The following LARP4B variants were observed in gnomAD, a reference collection of about 807,000 sequenced individuals.
The protein encoded by LARP4B is la-related protein 4B.
In LARP4B, 12 loss-of-function variants were observed where a neutral mutation model predicts 89.8. That is an observed-to-expected ratio of 0.13 (90% confidence interval 0.09 to 0.22). The LOEUF (loss-of-function observed/expected upper bound fraction) is 0.22. Among genes scored for constraint, LARP4B ranks in the 10% least tolerant of loss-of-function variants. The pLI is 1.00. For synonymous variants in LARP4B, 367 were observed against 363.3 expected (o/e 1.01, Z -0.12); for missense variants, 757 against 947.7 (o/e 0.80, Z 2.64).
intron 1 of LARP4B, among the ~76,000 whole-genome samples, chr10:925,544 T>A (rs1837112668): frequency 6.6e-6 from 1 of 152,028 alleles, no homozygotes; most frequent in African/African-American, 2.4e-5. Context: ...TTTTATTTCA[T>A]TTTTTTTCAG....
intron 1 of LARP4B, among the ~76,000 whole-genome samples, chr10:931,200 T>C (rs1367134707): frequency 1.4e-5 from 2 of 144,928 alleles, no homozygotes; most frequent in Non-Finnish European, 3.0e-5. Context: ...GGCTTTTTCC[T>C]GGCCCTGACC....
intron 1 of LARP4B, among the ~76,000 whole-genome samples, chr10:925,560 G>A (rs537174939): frequency 6.6e-6 from 1 of 152,070 alleles, no homozygotes; most frequent in East Asian, 1.9e-4. Context: ...TTCAGACAGA[G>A]CCTCACTCTG....
downstream of LARP4B, chr10:808,466 G>C (rs370657047): frequency 6.6e-6 from 1 of 152,242 alleles, no homozygotes; most frequent in East Asian, 1.9e-4. Flanking sequence ...ACAGGATGAC[G>C]GGTGAGTTAA....
intron 1 of LARP4B, among the ~76,000 whole-genome samples, chr10:905,667 AGCTGAGGAGCAAGGGAGG>A: frequency 9.2e-5 from 2 of 21,852 alleles, no homozygotes; most frequent in Non-Finnish European, 2.3e-4. Flanking sequence ...GGAGGGGAGG[AGCTGAGGAGCAAGGGAGG>A]AGCTGAGGAG....
chr10:888,906 C>T (rs1835938565), intron 1 of LARP4B, among the ~76,000 whole-genome samples: 1 of 151,532 alleles, frequency 6.6e-6, no homozygotes, highest in Non-Finnish European at 1.5e-5. Flanking sequence ...GACAACATGG[C>T]GACACTCATC....
intron 5 of LARP4B, among the ~76,000 whole-genome samples, chr10:859,104 C>T (rs1024425160): frequency 1.3e-5 from 2 of 151,918 alleles, no homozygotes; most frequent in Non-Finnish European, 2.9e-5. Context: ...CATGGTGAAA[C>T]CCCGTATCTA....
intron 13 of LARP4B, among the ~76,000 whole-genome samples, chr10:824,460 CCCAG>C (rs1253804069): frequency 6.6e-6 from 1 of 151,998 alleles, no homozygotes; most frequent in African/African-American, 2.4e-5. Context: ...GCCAACGTAC[CCCAG>C]CCTGGGCAAC....
In LARP4B at chr10:885,665, C is replaced by G; in HGVS notation, c.57G>C (p.Gln19His). Residue 19 changes from glutamine to histidine, a missense_variant, in exon 2 of 18, where the codon CAG becomes CAC. Physicochemically the swap from Gln to His is conservative, Grantham distance 24 (BLOSUM62 0). Around this residue, in one of 5 missense-constraint regions of LARP4B, gnomAD observed 175 missense variants for 187.0 expected, o/e 0.94. Coordinates refer to ENST00000316157, the MANE Select transcript of LARP4B (RefSeq NM_015155.3). ...VVAEPQTQRV[Q>H]EGKDSAHLMN... ...CCAGATGAGCGCTGTCCTTGCCCTC[C>G]TGGACTCTCTGCGTCTGCGGTTCAG... The G allele has an allele frequency of 6.2e-7, 1 of 1,614,148 alleles. No homozygotes were observed. Among genetic ancestry groups the G allele is most frequent in the Non-Finnish European group, 8.5e-7 (1 of 1,180,014 alleles).
the LARP4B span, among the ~76,000 whole-genome samples, chr10:937,150 C>T: frequency 6.6e-6 from 1 of 152,178 alleles, no homozygotes; most frequent in Non-Finnish European, 1.5e-5. Context: ...TCTAGTGATC[C>T]TCCCGCCTCA....
intron 1 of LARP4B, among the ~76,000 whole-genome samples, chr10:897,884 A>G (rs543176530): frequency 7.5e-5 from 11 of 147,318 alleles, no homozygotes; most frequent in African/African-American, 2.2e-4. Flanking sequence ...GTTACTTGGG[A>G]GGCTGAGGCA....
chr10:931,264 C>T (rs1016819295), intron 1 of LARP4B, among the ~76,000 whole-genome samples, 164 bp downstream of exon 1: 2 of 150,296 alleles, frequency 1.3e-5, no homozygotes, highest in Non-Finnish European at 3.0e-5. Flanking sequence ...TCCTCCTCAA[C>T]CCGGCCCCGG....
chr10:902,831 G>A (rs986681548), intron 1 of LARP4B, among the ~76,000 whole-genome samples: 2 of 151,964 alleles, frequency 1.3e-5, no homozygotes, highest in Non-Finnish European at 2.9e-5. Flanking sequence ...TTTTAGTAGA[G>A]ACAGGGTTTC....
intron 3 of LARP4B, chr10:873,442 C>T (rs1835323987): frequency 3.1e-6 from 3 of 982,422 alleles, no homozygotes; most frequent in South Asian, 4.7e-5. Flanking sequence ...CTCAATAAAA[C>T]ATAACTTAAA....
intron 1 of LARP4B, among the ~76,000 whole-genome samples, chr10:927,788 A>G (rs1243292559): frequency 6.6e-6 from 1 of 152,258 alleles, no homozygotes; most frequent in Non-Finnish European, 1.5e-5. Context: ...GGTTGTTTTG[A>G]GAATTTTGTA....
intron 1 of LARP4B, among the ~76,000 whole-genome samples, chr10:917,636 A>C (rs1231333708): frequency 6.6e-5 from 10 of 152,246 alleles, no homozygotes; most frequent in African/African-American, 1.4e-4. Flanking sequence ...CTTTCTGACA[A>C]GCCCAGGAAC....
the LARP4B span, among the ~76,000 whole-genome samples, chr10:956,790 G>A: frequency 1.3e-5 from 2 of 152,194 alleles, no homozygotes; most frequent in Admixed American, 6.6e-5. The surrounding 1 kb of genome is among the most constrained non-coding windows in gnomAD (Gnocchi z 4.3). Flanking sequence ...GCCTGTAGCC[G>A]AGAGGAAAGT....
chr10:927,552 A>G (rs1032963596), intron 1 of LARP4B, among the ~76,000 whole-genome samples: 1 of 152,224 alleles, frequency 6.6e-6, no homozygotes, highest in African/African-American at 2.4e-5. Context: ...ATAAGAGCAA[A>G]AAGTTTAAAC....
intron 4 of LARP4B, 33 bp from the exon 5 acceptor site, chr10:863,916 GT>G: frequency 1.9e-6 from 3 of 1,594,886 alleles, no homozygotes; most frequent in Non-Finnish European, 2.6e-6. Context: ...AAAAGGCAGG[GT>G]TAGAAGCATA....
At chr10:978,694 T>A in the LARP4B span, among the ~76,000 whole-genome samples, 1 of 152,216 alleles carries the variant, frequency 6.6e-6, no homozygotes, top group Admixed American at 6.5e-5. Flanking sequence ...ATAGGCTTTA[T>A]TAATTATGTG....
Sources: allele counts gnomAD v4.1 joint callset (sites outside exome capture counted in the v4.1 genomes callset), GRCh38; gene constraint gnomAD v4.1.1; regional missense constraint gnomAD v4.1.1; non-coding constraint Gnocchi (gnomAD v3.1); transcripts MANE v1.5; gene names NCBI Gene and HGNC (gene_info 2026-07-23, HGNC 2026-07-21).